The following UST variants were observed in gnomAD, a reference collection of about 807,000 sequenced individuals.
The protein encoded by UST is uronyl 2-sulfotransferase.
UST carries 21 observed loss-of-function variants against 45.6 expected under a neutral mutation model. The ratio of observed to expected loss-of-function variants is 0.46; its 90% CI spans 0.33 to 0.66. The LOEUF is 0.66. Ranked by LOEUF, UST falls within the 30% of genes least tolerant of loss-of-function variation. UST has a pLI of 0.02. For synonymous variants in UST, 215 were observed against 200.6 expected, an observed-to-expected ratio of 1.07 and a Z score of -0.61; for missense variants, 463 against 512.4, an observed-to-expected ratio of 0.90 and a Z score of 0.93.
chr6:148,969,080 G>A (rs552555196), intron 5 of UST, among the ~76,000 whole-genome samples: 2 of 152,228 alleles, frequency 1.3e-5, no homozygotes, highest in Non-Finnish European at 2.9e-5. Flanking sequence ...AGAAAGCTAT[G>A]CATTTTAATC....
intron 2 of UST, among the ~76,000 whole-genome samples, chr6:148,915,440 G>A (rs6941648): frequency 0.41 from 62,573 of 151,800 alleles, 13,728 homozygotes; most frequent in African/African-American, 0.56. Flanking sequence ...AGATAAGAGG[G>A]TAGGAAAAAA....
intron 2 of UST, among the ~76,000 whole-genome samples, chr6:148,935,700 A>C (rs1180277578): frequency 1.3e-5 from 2 of 152,142 alleles, no homozygotes; most frequent in African/African-American, 4.8e-5. Flanking sequence ...GCAGTTGACA[A>C]TATTTGAGGC....
At chr6:148,860,288 T>A (rs1349321889) in intron 1 of UST, among the ~76,000 whole-genome samples, 1 of 152,212 alleles carries the variant, frequency 6.6e-6, no homozygotes, top group Non-Finnish European at 1.5e-5. Flanking sequence ...ATGATTTGGC[T>A]CTCTGTTTGT....
intron 5 of UST, among the ~76,000 whole-genome samples, chr6:149,018,299 A>G (rs937438461): frequency 2.6e-5 from 4 of 151,968 alleles, no homozygotes; most frequent in Non-Finnish European, 5.9e-5. Context: ...TTCATCAACC[A>G]TATTTGGGAG....
At chr6:149,044,552 G>A (rs543036054) in intron 7 of UST, among the ~76,000 whole-genome samples, 5 of 152,214 alleles carry the variant, frequency 3.3e-5, no homozygotes, top group African/African-American at 7.2e-5. Context: ...GGGGGATGAC[G>A]GTCGGTGGGA....
intron 7 of UST, among the ~76,000 whole-genome samples, chr6:149,068,955 A>T (rs1582985784): frequency 1.3e-5 from 2 of 152,118 alleles, no homozygotes; most frequent in South Asian, 2.1e-4. Flanking sequence ...CTTGTGGTCA[A>T]CTTCTTTAGC....
intron 7 of UST, among the ~76,000 whole-genome samples, chr6:149,052,410 A>G (rs1433867584): frequency 2.6e-5 from 4 of 152,214 alleles, no homozygotes; most frequent in Admixed American, 1.3e-4. Context: ...TTTAATCCTA[A>G]GAACAACCCT....
At chr6:148,808,461 C>A (rs72999153) in intron 1 of UST, among the ~76,000 whole-genome samples, 1 of 151,874 alleles carries the variant, frequency 6.6e-6, no homozygotes, top group African/African-American at 2.4e-5. Flanking sequence ...CCCTGGCAGC[C>A]GCCACCCTTT....
At chr6:149,049,245 A>G (rs1189735942) in intron 7 of UST, among the ~76,000 whole-genome samples, 3 of 152,366 alleles carry the variant, frequency 2.0e-5, no homozygotes, top group South Asian at 4.1e-4. Context: ...CCATTGCACA[A>G]TAAAAAGACA....
At position 148,975,173 on chromosome 6, in the gene UST, A is replaced by C. The variant is rs972315392; in HGVS notation, c.681+10610A>C. 1.3e-5 allele frequency among the ~76,000 whole-genome samples: 2 copies of C among 152,216 alleles called. 1 individual carries two copies. Among genetic ancestry groups the C allele is most frequent in the Admixed American group, 1.3e-4 (2 of 15,280 alleles). The stretch of plus-strand genomic sequence containing the variant: ...CCGAGACCAGTCTTGATGACCGCTC[A>C]TCTTTATTTCTCTTGGTAACTATTA... On this transcript the variant is annotated intron_variant, in intron 5 of 7. Coordinates refer to ENST00000367463, the MANE Select transcript of UST (RefSeq NM_005715.3).
Position 149,060,199 on chromosome 6 carries a change from ATTAT to A in UST, c.938-13629_938-13626del, listed in dbSNP as rs1299774875. ...TCCAAGTGATCTCAAATTATTTTTA[ATTAT>A]TTATATTTCCAGATCTGAATAAAAG... On this transcript the variant is annotated intron_variant, in intron 7 of 7. Transcript: ENST00000367463. Among the ~76,000 whole-genome samples, 3 of 152,332 alleles carry A rather than the reference ATTAT, an allele frequency of 2.0e-5. No individual in the cohort carries two copies. In the East Asian group the frequency reaches 5.8e-4, roughly 29 times the overall value.
At chr6:148,981,420 A>C (rs1157875498) in intron 5 of UST, among the ~76,000 whole-genome samples, 1 of 152,240 alleles carries the variant, frequency 6.6e-6, no homozygotes, top group South Asian at 2.1e-4. Context: ...TTTTTGTCCT[A>C]TGTGACACTG....
chr6:148,865,354 G>A lies in UST; in HGVS notation c.248-21632G>A, dbSNP rs548943190. Among the ~76,000 whole-genome samples the A allele has an allele frequency of 7.3e-4, 111 of 152,262 alleles. 1 individual carries two copies. Among genetic ancestry groups the A allele is most frequent in the African/African-American group, 2.6e-3 (107 of 41,552 alleles). ...ATGCCCTTTTGGGCATGGGGTCACC[G>A]TGTTTAAAGCTTTTGAAAGACTCCC... On this transcript the variant is annotated intron_variant, in intron 1 of 7. Coordinates refer to ENST00000367463, the MANE Select transcript of UST (RefSeq NM_005715.3).
At chr6:148,877,899 G>T (rs191629356) in intron 1 of UST, among the ~76,000 whole-genome samples, 142 of 102,484 alleles carry the variant, frequency 1.4e-3, no homozygotes, top group African/African-American at 4.9e-3. Flanking sequence ...AGTTTGGGGG[G>T]TCATGTACGA....
Position 148,892,265 on chromosome 6 carries a change from T to C in UST, c.291+5236T>C, listed in dbSNP as rs1003713903. Among the ~76,000 whole-genome samples, 10 of 152,228 alleles carry C rather than the reference T, an allele frequency of 6.6e-5. No individual in the cohort carries two copies. In the South Asian group the frequency reaches 2.1e-3, roughly 32 times the overall value. On this transcript the variant is annotated intron_variant, in intron 2 of 7. Coordinates refer to ENST00000367463, the MANE Select transcript of UST (RefSeq NM_005715.3). ...TGATGGCTTGCATTCATCTCTGATGTTTCTGTTGTTTGTGAAATCTCATCT... is the reference window on the plus strand; with the variant it reads ...TGATGGCTTGCATTCATCTCTGATGCTTCTGTTGTTTGTGAAATCTCATCT...
In UST at chr6:148,934,553, G is replaced by A. The variant is rs62426126; in HGVS notation, c.292-6726G>A. On this transcript the variant is annotated intron_variant, in intron 2 of 7. Transcript: ENST00000367463. This position sits in a 1 kb window ranked among gnomAD's most constrained non-coding sequence, Gnocchi z 4.1. ...GGTTAATTATGACTGGTAAATGTGA[G>A]TGGAGCTCATCAACACACAATGAGA... 0.035 allele frequency among the ~76,000 whole-genome samples: 5,303 copies of A among 152,286 alleles called. 127 individuals are homozygous for A. The highest frequency in any genetic ancestry group is 0.065 in the Middle Eastern group (19 of 294).
chr6:148,769,546 C>T (rs535410215), intron 1 of UST, among the ~76,000 whole-genome samples: 2 of 152,344 alleles, frequency 1.3e-5, no homozygotes, highest in Non-Finnish European at 2.9e-5. Context: ...TCTGTTGGAA[C>T]TTTAGAGGGA....
At chr6:148,872,492 G>T (rs35992281) in intron 1 of UST, among the ~76,000 whole-genome samples, 36,809 of 152,048 alleles carry the variant, frequency 0.24, 4,886 homozygotes, top group African/African-American at 0.36. Context: ...TCATTCAGCA[G>T]TCTTCAGAGA....
intron 1 of UST, among the ~76,000 whole-genome samples, chr6:148,763,324 T>A (rs1776256184): frequency 6.6e-6 from 1 of 152,230 alleles, no homozygotes; most frequent in East Asian, 1.9e-4. Context: ...AAATGTCTGT[T>A]CATGTCCTTT....
Sources: allele counts gnomAD v4.1 joint callset (sites outside exome capture counted in the v4.1 genomes callset), GRCh38; gene constraint gnomAD v4.1.1; non-coding constraint Gnocchi (gnomAD v3.1); transcripts MANE v1.5; gene names NCBI Gene and HGNC (gene_info 2026-07-23, HGNC 2026-07-21).